ERC2: variants seen among roughly 807,000 people sequenced by gnomAD.
ERC2 encodes the protein ERC protein 2.
Under a neutral mutation model 114.8 loss-of-function variants are expected in ERC2, and 42 were observed. The ratio of observed to expected loss-of-function variants is 0.37; its 90% CI spans 0.29 to 0.47. ERC2 has a LOEUF of 0.47. ERC2 is among the 20% of genes least tolerant of loss of function. The pLI, the probability that ERC2 is intolerant of heterozygous loss-of-function variation, is 0.99. For missense variants in ERC2, 939 were observed against 1,150.7 expected (o/e 0.82, Z 2.66); for synonymous variants, 454 against 425.5 (o/e 1.07, Z -0.82).
chr3:56,381,301 T>C (rs570226531), intron 2 of ERC2, among the ~76,000 whole-genome samples: 3 of 152,162 alleles, frequency 2.0e-5, no homozygotes, highest in African/African-American at 7.2e-5. Flanking sequence ...ATTACAATCA[T>C]TCCTGGGTAT....
rs568055840 is a variant in ERC2 at position 55,857,426 on chromosome 3, A to C, written c.2564+30963T>G. On this transcript the variant is annotated intron_variant, in intron 14 of 17. Coordinates refer to ENST00000288221, the MANE Select transcript of ERC2 (RefSeq NM_015576.3). ...TTTAATTGTGGCAAATAGATGTAAC[A>C]CAAAAGTTGTCACTTTAACCATTTT... Among the ~76,000 whole-genome samples the C allele has an allele frequency of 5.3e-5, 8 of 152,298 alleles. No homozygotes were observed. In the South Asian group the frequency reaches 1.7e-3, roughly 32 times the overall value.
intron 13 of ERC2, among the ~76,000 whole-genome samples, chr3:55,916,546 A>T (rs2065105815): frequency 6.6e-6 from 1 of 152,010 alleles, no homozygotes; most frequent in Non-Finnish European, 1.5e-5. Flanking sequence ...CACCGACTAC[A>T]CCTCCCACTC....
At chr3:56,003,667 T>C (rs980672371) in intron 10 of ERC2, among the ~76,000 whole-genome samples, 3 of 152,094 alleles carry the variant, frequency 2.0e-5, no homozygotes, top group Admixed American at 6.6e-5. Flanking sequence ...AGTCAGACTT[T>C]ATTGGATTAA....
At chr3:55,904,914 T>C (rs1305951697) in intron 13 of ERC2, among the ~76,000 whole-genome samples, 1 of 152,220 alleles carries the variant, frequency 6.6e-6, no homozygotes, top group African/African-American at 2.4e-5. Flanking sequence ...AGGTTTAACT[T>C]ACAGTGTTTG....
At chr3:56,464,366 G>T (rs776445073) in intron 1 of ERC2, among the ~76,000 whole-genome samples, 3 of 152,188 alleles carry the variant, frequency 2.0e-5, no homozygotes, top group Non-Finnish European at 4.4e-5. Context: ...CCTTCAGCCT[G>T]GGCCCCAGGA....
intron 14 of ERC2, among the ~76,000 whole-genome samples, chr3:55,801,482 T>C (rs2071044331): frequency 6.6e-6 from 1 of 152,226 alleles, no homozygotes; most frequent in Non-Finnish European, 1.5e-5. Context: ...GCCAAAGGTT[T>C]GTCTAAAAAC....
intron 7 of ERC2, among the ~76,000 whole-genome samples, chr3:56,036,403 C>A (rs1480688320): frequency 2.0e-5 from 3 of 152,142 alleles, no homozygotes; most frequent in African/African-American, 7.2e-5. Context: ...ACAATAAAAT[C>A]ATCCGAATCT....
At chr3:56,447,290 A>T (rs949427393) in intron 1 of ERC2, among the ~76,000 whole-genome samples, 4 of 152,226 alleles carry the variant, frequency 2.6e-5, no homozygotes, top group African/African-American at 9.6e-5. Flanking sequence ...CTCAACAGCG[A>T]CACCTTGTGG....
At chr3:56,033,162 C>T (rs2074587816) in intron 7 of ERC2, among the ~76,000 whole-genome samples, 1 of 152,036 alleles carries the variant, frequency 6.6e-6, no homozygotes. Flanking sequence ...GAGGCCAAGA[C>T]AAGAGCATTA....
rs751643476 is a variant in ERC2, at chr3:56,263,059, C to A, written c.1074+32960G>T. Among the ~76,000 whole-genome samples, 53 of 152,164 alleles carry A rather than the reference C, an allele frequency of 3.5e-4. 1 individual carries two copies. The highest frequency in any genetic ancestry group is 2.2e-4 in the Non-Finnish European group (15 of 68,026). ...TAGCCCATTTCCATTCATCTTACTG[C>A]CTTTGGCAAGGAAGAGCCCTTAACA... is the stretch of plus-strand genomic sequence containing the variant. On this transcript the variant is annotated intron_variant, in intron 3 of 17. Coordinates refer to ENST00000288221, the MANE Select transcript of ERC2 (RefSeq NM_015576.3).
rs534993700 is a variant in ERC2, at chr3:55,964,217, C to T, written c.2268-13657G>A. Among the ~76,000 whole-genome samples the T allele has an allele frequency of 3.3e-5, 5 of 152,294 alleles. No individual in the cohort carries two copies. The East Asian group carries it at 9.7e-4, about 29-fold the overall frequency. ...CATCCTTACATGGAGGGCACTTCAT[C>T]CCCATTTTACAGATGAAGAAGCAGA... On this transcript the variant is annotated intron_variant, in intron 12 of 17. Transcript: ENST00000288221.
At chr3:56,176,011 G>A (rs538377293) in intron 3 of ERC2, among the ~76,000 whole-genome samples, 2 of 152,020 alleles carry the variant, frequency 1.3e-5, no homozygotes, top group Non-Finnish European at 2.9e-5. Flanking sequence ...ATTCCACAAA[G>A]AAAAAATCTA....
intron 3 of ERC2, among the ~76,000 whole-genome samples, chr3:56,224,798 T>C (rs879861188): frequency 6.6e-6 from 1 of 152,132 alleles, no homozygotes; most frequent in Non-Finnish European, 1.5e-5. Flanking sequence ...CAAGAGATAC[T>C]AATCAAAATA....
At chr3:56,300,338 T>C (rs573357665) in intron 2 of ERC2, among the ~76,000 whole-genome samples, 1 of 150,676 alleles carries the variant, frequency 6.6e-6, no homozygotes, top group East Asian at 1.9e-4. Context: ...AAAGTCTATG[T>C]GGACAAGTAA....
intron 3 of ERC2, among the ~76,000 whole-genome samples, chr3:56,272,274 A>T (rs958766731): frequency 1.9e-4 from 29 of 152,246 alleles, no homozygotes; most frequent in Non-Finnish European, 2.8e-4. Flanking sequence ...GAACAAAAAA[A>T]GTAGATTTTC....
intron 3 of ERC2, among the ~76,000 whole-genome samples, chr3:56,262,114 T>C (rs138506562): frequency 1.8e-3 from 270 of 152,382 alleles, no homozygotes; most frequent in African/African-American, 6.3e-3. Flanking sequence ...CAGCCTATCA[T>C]TGACAGGCAT....
chr3:56,197,315 A>G (rs1448516462), intron 3 of ERC2, among the ~76,000 whole-genome samples: 1 of 152,232 alleles, frequency 6.6e-6, no homozygotes, highest in African/African-American at 2.4e-5. Flanking sequence ...AAATGTGACA[A>G]TATAAATGCT....
intron 3 of ERC2, among the ~76,000 whole-genome samples, chr3:56,256,560 T>G (rs866419159): frequency 2.0e-5 from 3 of 152,162 alleles, no homozygotes; most frequent in African/African-American, 7.2e-5. Flanking sequence ...ATTTTTTTTT[T>G]TTTATGGGAG....
intron 13 of ERC2, among the ~76,000 whole-genome samples, chr3:55,934,289 T>C (rs2066304684): frequency 6.6e-6 from 1 of 152,136 alleles, no homozygotes; most frequent in Non-Finnish European, 1.5e-5. Flanking sequence ...CCCTAAGAGT[T>C]TCGAGTTAAA....
Sources: gnomAD v4.1 joint callset for allele counts (sites outside exome capture counted in the v4.1 genomes callset) on GRCh38, gnomAD v4.1.1 for gene constraint, MANE v1.5 for transcripts, NCBI Gene and HGNC (gene_info 2026-07-23, HGNC 2026-07-21) for gene names.